Variants in TSPAN4 observed in about 807,000 individuals in gnomAD.
The protein encoded by TSPAN4 is tetraspanin-4.
TSPAN4 carries 38 observed loss-of-function variants against 31.5 expected under a neutral mutation model. The observed-to-expected ratio is 1.21, with a 90% CI of 0.93 to 1.58. The LOEUF (loss-of-function observed/expected upper bound fraction) is 1.58. TSPAN4 is among the 40% of genes most tolerant of loss of function. The probability of loss-of-function intolerance (pLI) is 0.00; values close to 1 mark genes in which losing one functional copy is unlikely to be tolerated. For missense variants in TSPAN4, 330 were observed against 317.3 expected (o/e 1.04, Z -0.30); for synonymous variants, 186 against 144.6 (o/e 1.29, Z -2.06).
rs373649936 is a variant in TSPAN4 at position 865,611 on chromosome 11, C to G, written c.429C>G (p.Thr143=). 7 of 1,612,732 alleles carry G rather than the reference C, an allele frequency of 4.3e-6. No individual in the cohort carries two copies. In the Admixed American group the frequency reaches 5.0e-5, roughly 12 times the overall value. The part of the protein sequence containing the change: ...GLTNAWSIIQ[T]DFRCCGVSNY... Reference sequence around the variant, plus strand: ...CCAACGCCTGGAGCATCATCCAGACCGACGTGAGGCGTGGGCAGGTGGGCG... The same window carrying G: ...CCAACGCCTGGAGCATCATCCAGACGGACGTGAGGCGTGGGCAGGTGGGCG... Residue 143 remains threonine, a synonymous_variant, in exon 6 of 9, where the codon ACC becomes ACG. Transcript: ENST00000397397.
At chr11:852,181 G>C (rs757290801) in intron 3 of TSPAN4, among the ~76,000 whole-genome samples, 2 of 152,110 alleles carry the variant, frequency 1.3e-5, no homozygotes, top group Non-Finnish European at 2.9e-5. Flanking sequence ...GGAGTGCAGT[G>C]GCGTGATCTT....
In TSPAN4 at chr11:848,780, CCTTGTGCCCTGTGGTGGGGCT is replaced by C. The variant is rs1420542444; in HGVS notation, c.-18+1481_-17-1487del. On this transcript the variant is annotated intron_variant, in intron 2 of 8. Coordinates refer to ENST00000397397, the MANE Select transcript of TSPAN4 (RefSeq NM_003271.5). This position sits in a 1 kb window ranked among gnomAD's most constrained non-coding sequence, Gnocchi z 5.7. ...TGATATCTTCCCAACACCGCAGGGC[CCTTGTGCCCTGTGGTGGGGCT>C]GGGGCTTCAGAGGCGTGGGGTAGGC... The C allele has an allele frequency of 4.3e-5, 24 of 559,008 alleles. No homozygotes were observed. The highest frequency in any genetic ancestry group is 4.0e-4 in the African/African-American group (21 of 51,992). The allele number at this position is 559,008 out of a possible 1,614,324, so 34.6% of individuals were successfully genotyped here.
chr11:850,263 G>A (rs1256395096), intron 2 of TSPAN4, 25 bp from the exon 3 acceptor site: 6 of 1,583,598 alleles, frequency 3.8e-6, no homozygotes, highest in Non-Finnish European at 4.3e-6. Flanking sequence ...TTTCTACCTG[G>A]ACCTCTCCTT....
At chr11:843,512 C>T (rs577698498) in intron 1 of TSPAN4, 2 of 152,390 alleles carry the variant, frequency 1.3e-5, no homozygotes, top group Admixed American at 6.5e-5. Context: ...GGGCAGACTC[C>T]CGGAGGCTGC....
At chr11:850,501 A>G in intron 3 of TSPAN4, 134 bp downstream of exon 3, 1 of 739,816 alleles carries the variant, frequency 1.4e-6, no homozygotes, top group Non-Finnish European at 2.2e-6. Context: ...TCCCGGGAGG[A>G]CCCAAGACCG....
Position 862,327 on chromosome 11 carries a change from A to C in TSPAN4, c.64-223A>C, listed in dbSNP as rs1319030543. On this transcript the variant is annotated intron_variant, in intron 3 of 8. Transcript: ENST00000397397. ...GGAGCCTCCCCGACTGTGGCCATGG[A>C]GTGTGGGTTTGGGGATGGGGTGCCA... The C allele has an allele frequency of 1.3e-5, 7 of 554,828 alleles. No homozygotes were observed. The East Asian group carries it at 2.2e-4, about 17-fold the overall frequency. The allele number at this position is 554,828 out of a possible 1,614,324, so 34.4% of individuals were successfully genotyped here.
chr11:855,103 G>C (rs1238961881), intron 3 of TSPAN4, among the ~76,000 whole-genome samples: 1 of 152,136 alleles, frequency 6.6e-6, no homozygotes, highest in Admixed American at 6.5e-5. Flanking sequence ...GGGTAGGTCA[G>C]ACTTGTCCAC....
intron 3 of TSPAN4, among the ~76,000 whole-genome samples, chr11:861,246 G>C (rs1848439372): frequency 6.6e-6 from 1 of 152,256 alleles, no homozygotes; most frequent in Non-Finnish European, 1.5e-5. Flanking sequence ...CACTGCAGGA[G>C]GTGGCCCTCC....
In TSPAN4 at chr11:850,346, C is replaced by T. The variant is rs982300028; in HGVS notation, c.42C>T (p.Phe14=). The T allele has an allele frequency of 1.6e-5, 25 of 1,605,858 alleles. No homozygotes were observed. The highest frequency in any genetic ancestry group is 1.9e-5 in the Non-Finnish European group (22 of 1,179,192). The part of the protein sequence containing the change: ...ACLQAVKYLM[F]AFNLLFWLGG... Reference sequence around the variant, plus strand: ...TCCAGGCCGTCAAGTACCTCATGTTCGCCTTCAACCTGCTCTTCTGGGTGA... The same window carrying T: ...TCCAGGCCGTCAAGTACCTCATGTTTGCCTTCAACCTGCTCTTCTGGGTGA... Residue 14 remains phenylalanine, a synonymous_variant, in exon 3 of 9, where the codon TTC becomes TTT. Transcript: ENST00000397397.
chr11:862,437 C>T, intron 3 of TSPAN4, 113 bp from the exon 4 acceptor site: 2 of 1,026,126 alleles, frequency 1.9e-6, no homozygotes, highest in Non-Finnish European at 2.8e-6. Context: ...GTGGTTCTGG[C>T]TCAGGCTGGC....
chr11:865,926 C>T lies in TSPAN4; in HGVS notation c.573C>T (p.Tyr191=), dbSNP rs553851887. ...APGTWWKAPC[Y]ETVKVWLQEN... is the part of the protein sequence containing the mutation. ...GACATCCCTCCCTGCAGCCGTGCTA[C>T]GAGACGGTGAAGGTGTGGCTTCAGG... The change falls in exon 8 of 9, where the codon TAC becomes TAT. Residue 191 remains tyrosine (Y), a synonymous_variant. Coordinates refer to ENST00000397397, the MANE Select transcript of TSPAN4 (RefSeq NM_003271.5). 9.9e-6 allele frequency: 16 copies of T among 1,613,052 alleles called. No homozygotes were observed. Among genetic ancestry groups the T allele is most frequent in the East Asian group, 8.9e-5 (4 of 44,888 alleles).
Position 866,931 on chromosome 11 carries a change from G to A in TSPAN4, c.*301G>A, listed in dbSNP as rs1589804119. The A allele has an allele frequency of 3.6e-6, 1 of 278,346 alleles. No homozygotes were observed. The highest frequency in any genetic ancestry group is 6.6e-5 in the East Asian group (1 of 15,124). 17.2% of individuals were successfully genotyped at this position (278,346 alleles called of 1,614,324 possible). ...ATTCTCCAAAGCAGTGTTCACACGGGAGCCAGCCTGTGGCCCCCAGCCTCC... is the reference window on the plus strand; with the variant it reads ...ATTCTCCAAAGCAGTGTTCACACGGAAGCCAGCCTGTGGCCCCCAGCCTCC... On this transcript the variant is annotated 3_prime_UTR_variant, in exon 9 of 9. Coordinates refer to ENST00000397397, the MANE Select transcript of TSPAN4 (RefSeq NM_003271.5).
At chr11:865,659 C>T (rs199954651) in intron 6 of TSPAN4, 35 bp from the exon 7 acceptor site, 1 of 1,612,560 alleles carries the variant, frequency 6.2e-7, no homozygotes, top group Admixed American at 1.7e-5. Flanking sequence ...GCCCCCTCCC[C>T]TCCTGCCTCA....
intron 3 of TSPAN4, among the ~76,000 whole-genome samples, chr11:856,283 G>A (rs1394895215): frequency 1.3e-5 from 2 of 152,270 alleles, no homozygotes; most frequent in African/African-American, 2.4e-5. Flanking sequence ...GTGAGCGAGT[G>A]TCTGATGGAC....
At chr11:859,488 C>T (rs867127156) in intron 3 of TSPAN4, 1 of 103,308 alleles carries the variant, frequency 9.7e-6, no homozygotes, top group African/African-American at 3.8e-5. Flanking sequence ...ACCCCGGGCT[C>T]ACACGCACCC....
At chr11:857,458 A>C (rs1848122853) in intron 3 of TSPAN4, 1 of 123,026 alleles carries the variant, frequency 8.1e-6, no homozygotes, top group Admixed American at 1.1e-4. Flanking sequence ...GCTGGAGTGC[A>C]GTGGCATGAT....
intron 1 of TSPAN4, among the ~76,000 whole-genome samples, chr11:845,338 A>G (rs1454790701): frequency 6.6e-6 from 1 of 151,622 alleles, no homozygotes; most frequent in Admixed American, 6.6e-5. Context: ...TGTCCTCTCT[A>G]CGGTCCTGGG....
rs145170313 is a variant in TSPAN4 at position 865,590 on chromosome 11, C to T, written c.408C>T (p.Asn136=). ...CGCAGGGCAACGTGGGCCTCACCAA[C>T]GCCTGGAGCATCATCCAGACCGACG... ...YGTQGNVGLT[N]AWSIIQTDFR... is the part of the protein sequence containing the mutation. The change falls in exon 6 of 9, where the codon AAC becomes AAT. Residue 136 remains asparagine (N), a synonymous_variant. Transcript: ENST00000397397. 1.2e-4 allele frequency: 193 copies of T among 1,612,800 alleles called. No individual in the cohort carries two copies. Among genetic ancestry groups the T allele is most frequent in the Non-Finnish European group, 1.3e-4 (154 of 1,179,902 alleles).
chr11:860,217 G>A (rs1848378215), intron 3 of TSPAN4, among the ~76,000 whole-genome samples: 1 of 152,212 alleles, frequency 6.6e-6, no homozygotes, highest in Non-Finnish European at 1.5e-5. Context: ...GGACTTGTGG[G>A]GCCCCAGCAG....
Sources: allele counts gnomAD v4.1 joint callset (sites outside exome capture counted in the v4.1 genomes callset), GRCh38; gene constraint gnomAD v4.1.1; non-coding constraint Gnocchi (gnomAD v3.1); transcripts MANE v1.5; gene names NCBI Gene and HGNC (gene_info 2026-07-23, HGNC 2026-07-21).